The following PALM2AKAP2 variants were observed in gnomAD, a reference collection of about 807,000 sequenced individuals.
The protein encoded by PALM2AKAP2 is PALM2-AKAP2 fusion protein.
Under a neutral mutation model 71.5 loss-of-function variants are expected in PALM2AKAP2, and 37 were observed. That is an observed-to-expected ratio of 0.52 (90% CI 0.40 to 0.68). The LOEUF (loss-of-function observed/expected upper bound fraction) is 0.68. Among genes scored for constraint, PALM2AKAP2 ranks in the 30% least tolerant of loss-of-function variants. PALM2AKAP2 has a pLI of 0.00. For missense variants in PALM2AKAP2, 1,224 were observed against 1,191.8 expected, an observed-to-expected ratio of 1.03 and a Z score of -0.40; for synonymous variants, 468 against 478.8, an observed-to-expected ratio of 0.98 and a Z score of 0.29.
Position 110,136,950 on chromosome 9 carries a change from C to T in PALM2AKAP2, c.980C>T (p.Ala327Val), listed in dbSNP as rs149748117. The T allele has an allele frequency of 4.5e-5, 73 of 1,614,008 alleles. No individual in the cohort carries two copies. The highest frequency in any genetic ancestry group is 4.5e-4 in the Admixed American group (27 of 60,000). Residue 327 changes from alanine to valine, a missense_variant, in exon 2 of 4, where the codon GCA (alanine) becomes GTA (valine). By Grantham distance (64) the Ala-to-Val change is moderately conservative. Transcript: ENST00000374525. ...GCCGTCAAGAAGAATCCTGGCATTG[C>T]AGCAAAATGGTGGAATCCCCCGCAG...
intron 1 of PALM2AKAP2, among the ~76,000 whole-genome samples, chr9:109,702,753 A>AAT (rs989138682): frequency 2.7e-4 from 19 of 70,148 alleles, no homozygotes; most frequent in East Asian, 1.1e-3. Flanking sequence ...GTATAATAAT[A>AAT]AAAAAAAAAA....
chr9:109,764,735 T>C (rs1478056187), intron 1 of PALM2AKAP2, among the ~76,000 whole-genome samples: 1 of 152,114 alleles, frequency 6.6e-6, no homozygotes. Context: ...AATGGATGGA[T>C]GGACGGATGG....
At chr9:110,049,669 C>T (rs1393064760) in intron 1 of PALM2AKAP2, among the ~76,000 whole-genome samples, 1 of 152,160 alleles carries the variant, frequency 6.6e-6, no homozygotes, top group Admixed American at 6.5e-5. Context: ...GCAAGCCGTA[C>T]CTGTAATGTC....
chr9:109,659,078 C>A (rs1021936158), intron 1 of PALM2AKAP2, among the ~76,000 whole-genome samples: 3 of 152,158 alleles, frequency 2.0e-5, no homozygotes, highest in African/African-American at 7.2e-5. Context: ...AATCTTTCAT[C>A]ATTATGTCCA....
rs1041013764 is a variant in PALM2AKAP2, at chr9:109,997,809, G to A, written c.497-18145G>A. Among the ~76,000 whole-genome samples, 5 of 152,276 alleles carry A rather than the reference G, an allele frequency of 3.3e-5. No homozygotes were observed. The East Asian group carries it at 9.6e-4, about 29-fold the overall frequency. On this transcript the variant is annotated intron_variant, in intron 6 of 9. Coordinates refer to the PALM2AKAP2 transcript ENST00000302798. ...CACCTGGAGTGGGGAGGGTGGGACGGGGTTGCATCCTGCCCTCCTCCTTCA... is the reference window on the plus strand; with the variant it reads ...CACCTGGAGTGGGGAGGGTGGGACGAGGTTGCATCCTGCCCTCCTCCTTCA...
At position 110,136,407 on chromosome 9, in the gene PALM2AKAP2, A is replaced by G. The variant is rs368791948; in HGVS notation, c.437A>G (p.Asp146Gly). 25 of 1,614,064 alleles carry G rather than the reference A, an allele frequency of 1.5e-5. No individual in the cohort carries two copies. The highest frequency in any genetic ancestry group is 9.3e-5 in the African/African-American group (7 of 74,902). Reference sequence around the variant, plus strand: ...GTTGCCAGAGAGATCCGCTATCTAGATGAGGTGCTAGAGGCCAACTGCTGT... The same window carrying G: ...GTTGCCAGAGAGATCCGCTATCTAGGTGAGGTGCTAGAGGCCAACTGCTGT... The change falls in exon 2 of 4, where the codon GAT becomes GGT. Residue 146 changes from aspartate to glycine, a missense_variant. Asp to Gly is a moderately conservative substitution (Grantham distance 94). Transcript: ENST00000374525.
At chr9:109,959,563 T>G (rs1316853910) in intron 6 of PALM2AKAP2, among the ~76,000 whole-genome samples, 1 of 148,738 alleles carries the variant, frequency 6.7e-6, no homozygotes, top group Non-Finnish European at 1.5e-5. Flanking sequence ...GAGAATGGCA[T>G]GAACCCGGGA....
chr9:109,646,319 G>A (rs1827153300), intron 1 of PALM2AKAP2, among the ~76,000 whole-genome samples: 1 of 152,204 alleles, frequency 6.6e-6, no homozygotes, highest in African/African-American at 2.4e-5. Context: ...TATAGATTTT[G>A]CCTCACACTT....
intron 6 of PALM2AKAP2, among the ~76,000 whole-genome samples, chr9:109,957,927 A>T (rs1384561854): frequency 6.6e-6 from 1 of 152,234 alleles, no homozygotes; most frequent in East Asian, 1.9e-4. Context: ...TCAATTCTGC[A>T]AGCCAAGAAA....
intron 1 of PALM2AKAP2, among the ~76,000 whole-genome samples, chr9:109,658,029 T>C (rs1439455728): frequency 6.6e-6 from 1 of 151,698 alleles, no homozygotes; most frequent in Admixed American, 6.6e-5. Context: ...GAGGCCAAAG[T>C]ATTTTGGCTT....
chr9:109,780,648 G>T, intron 1 of PALM2AKAP2, 115 bp downstream of exon 1: 2 of 1,451,284 alleles, frequency 1.4e-6, no homozygotes, highest in Non-Finnish European at 1.9e-6. Flanking sequence ...TATGTTCCAG[G>T]GGCTAAAACT....
chr9:109,679,635 T>C (rs540233089), intron 1 of PALM2AKAP2, among the ~76,000 whole-genome samples: 12 of 152,278 alleles, frequency 7.9e-5, no homozygotes, highest in Admixed American at 1.3e-4. Flanking sequence ...ACTCAAAGCA[T>C]GGAATTCTAA....
chr9:110,095,930 C>T (rs1016545066), intron 1 of PALM2AKAP2, among the ~76,000 whole-genome samples: 8 of 152,190 alleles, frequency 5.3e-5, no homozygotes, highest in African/African-American at 1.7e-4. Context: ...GTCTTCCCCT[C>T]CTCCCTGCCA....
intron 1 of PALM2AKAP2, among the ~76,000 whole-genome samples, chr9:109,662,225 G>A (rs544137838): frequency 1.3e-5 from 2 of 152,254 alleles, no homozygotes; most frequent in East Asian, 3.9e-4. Flanking sequence ...TGGTGAGAGA[G>A]GGCATCCCTG....
At chr9:109,742,434 T>A (rs1828730170) in intron 1 of PALM2AKAP2, among the ~76,000 whole-genome samples, 1 of 152,176 alleles carries the variant, frequency 6.6e-6, no homozygotes, top group Non-Finnish European at 1.5e-5. Context: ...TGAGCAGCTC[T>A]TGTACAAAAG....
upstream of PALM2AKAP2, among the ~76,000 whole-genome samples, chr9:110,044,182 C>T (rs1833555708): frequency 6.6e-6 from 1 of 152,032 alleles, no homozygotes; most frequent in South Asian, 2.1e-4. Context: ...CATCTGATCC[C>T]ATGAGGATCC....
At chr9:109,950,734 A>T (rs998378312) in intron 6 of PALM2AKAP2, among the ~76,000 whole-genome samples, 4 of 152,326 alleles carry the variant, frequency 2.6e-5, no homozygotes, top group Admixed American at 2.6e-4. Flanking sequence ...TCATCACCAG[A>T]ATCTCTCCAA....
chr9:109,916,629 C>T (rs1319044135), intron 3 of PALM2AKAP2, among the ~76,000 whole-genome samples: 4 of 152,214 alleles, frequency 2.6e-5, no homozygotes, highest in African/African-American at 9.6e-5. Context: ...CTGGTGAATG[C>T]ATCCTTCAAG....
intron 5 of PALM2AKAP2, among the ~76,000 whole-genome samples, chr9:109,929,863 CAAAAAA>C (rs58029417): frequency 2.9e-5 from 2 of 69,426 alleles, no homozygotes; most frequent in Admixed American, 3.3e-4. Flanking sequence ...GACTCCATTT[CAAAAAA>C]AAAAAAAAAA....
Sources: allele counts gnomAD v4.1 joint callset (sites outside exome capture counted in the v4.1 genomes callset), GRCh38; gene constraint gnomAD v4.1.1; transcripts MANE v1.5; gene names NCBI Gene and HGNC (gene_info 2026-07-23, HGNC 2026-07-21).